Variants in C5orf47 observed in about 807,000 individuals in gnomAD.
C5orf47 encodes uncharacterized protein C5orf47.
C5orf47 carries 20 observed loss-of-function variants against 20.6 expected under a neutral mutation model. The ratio of observed to expected loss-of-function variants is 0.97; its 90% CI spans 0.68 to 1.41. The LOEUF is 1.41. Among genes scored for constraint, C5orf47 ranks in the 40% most tolerant of loss-of-function variants. C5orf47 has a pLI of 0.00. For synonymous variants in C5orf47, 106 were observed against 97.3 expected (o/e 1.09, Z -0.53); for missense variants, 262 against 238.4 (o/e 1.10, Z -0.65).
At chr5:174,009,306 G>A (rs1759337711), downstream of C5orf47, among the ~76,000 whole-genome samples, 1 of 146,016 alleles carries the variant, frequency 6.8e-6, no homozygotes, top group African/African-American at 2.4e-5. Flanking sequence ...TTCATCAGTG[G>A]CCACCCAGGA....
At chr5:174,002,344 T>G (rs1203384909) in intron 4 of C5orf47, among the ~76,000 whole-genome samples, 1 of 152,172 alleles carries the variant, frequency 6.6e-6, no homozygotes, top group East Asian at 1.9e-4. Flanking sequence ...TTAAAAATTC[T>G]TTAACACAGT....
At chr5:174,000,646 CAG>C (rs1759180106) in intron 3 of C5orf47, among the ~76,000 whole-genome samples, 1 of 152,014 alleles carries the variant, frequency 6.6e-6, no homozygotes, top group Non-Finnish European at 1.5e-5. Context: ...ATCATGAAAA[CAG>C]AATGCCATTT....
intron 1 of C5orf47, among the ~76,000 whole-genome samples, chr5:173,991,691 T>G (rs1285804304): frequency 6.6e-6 from 1 of 152,212 alleles, no homozygotes; most frequent in Non-Finnish European, 1.5e-5. Context: ...GTAATTTTCC[T>G]AATACAGTGT....
intron 1 of C5orf47, among the ~76,000 whole-genome samples, chr5:173,995,470 T>A (rs531964543): frequency 2.0e-5 from 3 of 152,326 alleles, no homozygotes; most frequent in South Asian, 2.1e-4. Flanking sequence ...CAGAAAGACA[T>A]AATCCGTGGT....
chr5:174,007,460 C>T (rs1285431622), downstream of C5orf47, among the ~76,000 whole-genome samples: 1 of 151,890 alleles, frequency 6.6e-6, no homozygotes, highest in Non-Finnish European at 1.5e-5. Flanking sequence ...CAGATGCATT[C>T]TTTTCCATTT....
chr5:173,991,281 T>G (rs1758992471), intron 1 of C5orf47, among the ~76,000 whole-genome samples: 1 of 152,298 alleles, frequency 6.6e-6, no homozygotes, highest in South Asian at 2.1e-4. Context: ...TTTATTTTTT[T>G]TCACCCATTT....
chr5:173,997,513 A>T (rs555558335), intron 1 of C5orf47, among the ~76,000 whole-genome samples: 1 of 152,268 alleles, frequency 6.6e-6, no homozygotes, highest in South Asian at 2.1e-4. Context: ...GATGACTAAG[A>T]CACACATGGC....
chr5:173,990,718 G>A (rs981626433), intron 1 of C5orf47, among the ~76,000 whole-genome samples: 3 of 152,164 alleles, frequency 2.0e-5, no homozygotes, highest in Admixed American at 2.0e-4. Context: ...GATTACAGGC[G>A]TGAGCCACCG....
chr5:173,991,953 C>G (rs1369761876), intron 1 of C5orf47, among the ~76,000 whole-genome samples: 2 of 152,052 alleles, frequency 1.3e-5, no homozygotes, highest in Non-Finnish European at 2.9e-5. Flanking sequence ...GGGATAATTC[C>G]TTAATAACCT....
chr5:173,996,937 A>T (rs1215328409), intron 1 of C5orf47, among the ~76,000 whole-genome samples: 1 of 152,212 alleles, frequency 6.6e-6, no homozygotes, highest in Non-Finnish European at 1.5e-5. Context: ...GTTTCTCACC[A>T]TATGAGTTAA....
At chr5:173,992,121 C>T (rs772053668) in intron 1 of C5orf47, among the ~76,000 whole-genome samples, 22 of 152,122 alleles carry the variant, frequency 1.4e-4, no homozygotes, top group Non-Finnish European at 2.1e-4. Context: ...GATGTTTAAA[C>T]ATTTTCTTGC....
At chr5:173,998,880 T>C (rs1285194913) in intron 2 of C5orf47, among the ~76,000 whole-genome samples, 1 of 152,226 alleles carries the variant, frequency 6.6e-6, no homozygotes, top group Admixed American at 6.5e-5. Context: ...GTTTGTTTGA[T>C]ATCCGTGTAT....
intron 4 of C5orf47, among the ~76,000 whole-genome samples, chr5:174,003,524 A>T (rs896646357): frequency 1.3e-5 from 2 of 152,158 alleles, no homozygotes; most frequent in Non-Finnish European, 2.9e-5. Flanking sequence ...TCAGGAAAAA[A>T]TGCTAAGCAA....
At chr5:174,001,117 C>T in intron 3 of C5orf47, 79 bp from the exon 4 acceptor site, 1 of 839,272 alleles carries the variant, frequency 1.2e-6, no homozygotes, top group Non-Finnish European at 1.9e-6. Context: ...AACTTGTATT[C>T]CATAATGTAT....
At chr5:173,991,249 A>G (rs1185798987) in intron 1 of C5orf47, among the ~76,000 whole-genome samples, 5 of 152,126 alleles carry the variant, frequency 3.3e-5, no homozygotes, top group African/African-American at 1.2e-4. Flanking sequence ...ATCAATATAT[A>G]TTATTTGTAA....
At chr5:174,007,135 C>T (rs1175254591), downstream of C5orf47, among the ~76,000 whole-genome samples, 2 of 150,150 alleles carry the variant, frequency 1.3e-5, no homozygotes, top group South Asian at 2.1e-4. Flanking sequence ...ATTGATATAC[C>T]TGGCAGTTGG....
downstream of C5orf47, among the ~76,000 whole-genome samples, chr5:174,006,489 A>G (rs900942830): frequency 2.6e-5 from 4 of 152,204 alleles, no homozygotes; most frequent in Admixed American, 6.5e-5. Flanking sequence ...GAGAAAAAAA[A>G]CAAACAGTGG....
At chr5:173,991,770 T>C (rs191238425) in intron 1 of C5orf47, among the ~76,000 whole-genome samples, 6 of 152,206 alleles carry the variant, frequency 3.9e-5, no homozygotes, top group Non-Finnish European at 7.4e-5. Flanking sequence ...TCTTTAGTTT[T>C]TCTTTGTACT....
At chr5:173,994,597 T>A (rs1462216438) in intron 1 of C5orf47, among the ~76,000 whole-genome samples, 2 of 152,026 alleles carry the variant, frequency 1.3e-5, no homozygotes, top group Non-Finnish European at 2.9e-5. Context: ...CATAGCTTAC[T>A]GAAAGAGAGA....
Sources: allele counts gnomAD v4.1 joint callset (sites outside exome capture counted in the v4.1 genomes callset), GRCh38; gene constraint gnomAD v4.1.1; transcripts MANE v1.5; gene names NCBI Gene and HGNC (gene_info 2026-07-23, HGNC 2026-07-21).